Variants in TRERF1 observed in about 807,000 individuals in gnomAD.
TRERF1 encodes transcriptional regulating factor 1, also known as transcriptional-regulating factor 1.
Under a neutral mutation model 122.9 loss-of-function variants are expected in TRERF1, and 27 were observed. The ratio of observed to expected loss-of-function variants is 0.22; its 90% CI spans 0.16 to 0.30. TRERF1 has a LOEUF of 0.30. TRERF1 is among the 10% of genes least tolerant of loss of function. TRERF1 has a pLI of 1.00. For synonymous variants in TRERF1, 636 were observed against 641.7 expected, an observed-to-expected ratio of 0.99 and a Z score of 0.13; for missense variants, 1,248 against 1,560.3, an observed-to-expected ratio of 0.80 and a Z score of 3.37.
intron 2 of TRERF1, among the ~76,000 whole-genome samples, chr6:42,421,166 T>C (rs2151558225): frequency 6.6e-6 from 1 of 152,302 alleles, no homozygotes; most frequent in South Asian, 2.1e-4. Flanking sequence ...GTTGTGAGAT[T>C]TCAATGAGTG....
At chr6:42,299,036 T>A (rs4711713) in intron 4 of TRERF1, among the ~76,000 whole-genome samples, 20,194 of 150,948 alleles carry the variant, frequency 0.13, 1,653 homozygotes, top group African/African-American at 0.23. Flanking sequence ...AGCCCAGGAG[T>A]TTGAAGCTAG....
intron 2 of TRERF1, among the ~76,000 whole-genome samples, chr6:42,441,647 G>A (rs182410341): frequency 1.8e-3 from 270 of 151,726 alleles, no homozygotes; most frequent in African/African-American, 6.0e-3. Context: ...AACCAATGGC[G>A]AGAAAACCAG....
intron 16 of TRERF1, among the ~76,000 whole-genome samples, chr6:42,235,613 T>C (rs772305908): frequency 2.0e-5 from 3 of 152,256 alleles, no homozygotes; most frequent in Non-Finnish European, 4.4e-5. Context: ...GTTTATATGA[T>C]TAATTTACTT....
At chr6:42,346,613 A>G (rs1449475705) in intron 3 of TRERF1, among the ~76,000 whole-genome samples, 5 of 152,172 alleles carry the variant, frequency 3.3e-5, no homozygotes, top group African/African-American at 7.2e-5. Flanking sequence ...CAAGTCAAGG[A>G]CATTGCAAAG....
At chr6:42,398,667 G>C (rs1778968174) in intron 2 of TRERF1, among the ~76,000 whole-genome samples, 1 of 152,196 alleles carries the variant, frequency 6.6e-6, no homozygotes, top group South Asian at 2.1e-4. Flanking sequence ...ACATTGCCTT[G>C]TGCATGGCAG....
At chr6:42,420,159 G>A (rs1782553340) in intron 2 of TRERF1, among the ~76,000 whole-genome samples, 1 of 152,214 alleles carries the variant, frequency 6.6e-6, no homozygotes, top group African/African-American at 2.4e-5. Flanking sequence ...GCAAAGCAAA[G>A]TCACCTCCCT....
chr6:42,317,220 C>T (rs1762642309), intron 3 of TRERF1, among the ~76,000 whole-genome samples: 2 of 152,056 alleles, frequency 1.3e-5, no homozygotes, highest in South Asian at 4.1e-4. Context: ...GCTTGGCTGG[C>T]TCTGCCTTAA....
At chr6:42,439,903 C>G (rs1786178620) in intron 2 of TRERF1, among the ~76,000 whole-genome samples, 1 of 152,220 alleles carries the variant, frequency 6.6e-6, no homozygotes, top group East Asian at 1.9e-4. Context: ...GTGGGCATCA[C>G]TGTGTGTCGT....
rs1769885334 is a variant in TRERF1, at chr6:42,228,548, T to G, written c.3400A>C (p.Arg1134=). 6.2e-7 allele frequency: 1 copy of G among 1,614,100 alleles called. No individual in the cohort carries two copies. Residue 1134 remains arginine (R), a synonymous_variant, in exon 18 of 18, where the codon AGG becomes CGG. Transcript: ENST00000372922. This position sits in a 1 kb window ranked among gnomAD's most constrained non-coding sequence, Gnocchi z 4.2. ...GGCGCCCCCACGGGCCCCGTAGTCCTCTCAATCGTGGCTGCCATCTCAGCT... is the reference window on the plus strand; with the variant it reads ...GGCGCCCCCACGGGCCCCGTAGTCCGCTCAATCGTGGCTGCCATCTCAGCT...
At chr6:42,332,844 G>A (rs1224544429) in intron 3 of TRERF1, among the ~76,000 whole-genome samples, 1 of 152,034 alleles carries the variant, frequency 6.6e-6, no homozygotes, top group Non-Finnish European at 1.5e-5. Flanking sequence ...TGGGTATGAG[G>A]AGGGTCTTCT....
In TRERF1 at chr6:42,259,212, C is replaced by T. The variant is rs1019827770; in HGVS notation, c.2269+127G>A. ...CCAAGTCTTTCTTAACACCCAGCAG[C>T]GCGTGCTACATACAGCCAATACTCC... On this transcript the variant is annotated intron_variant, in intron 9 of 17. Transcript: ENST00000372922. This position sits in a 1 kb window ranked among gnomAD's most constrained non-coding sequence, Gnocchi z 4.9. 7.9e-7 allele frequency: 1 copy of T among 1,264,370 alleles called. No individual in the cohort carries two copies. The highest frequency in any genetic ancestry group is 1.0e-6 in the Non-Finnish European group (1 of 958,810). The allele number at this position is 1,264,370 out of a possible 1,614,324, so 78.3% of individuals were successfully genotyped here.
chr6:42,409,628 T>G lies in TRERF1; in HGVS notation c.-454+41549A>C, dbSNP rs549420097. ...GCCATGTAGGATTTTGTAATTTTCT[T>G]TGAATAAAAATTGTGTCATTTGCAA... On this transcript the variant is annotated intron_variant, in intron 2 of 17. Transcript: ENST00000372922. Among the ~76,000 whole-genome samples the G allele has an allele frequency of 4.6e-5, 7 of 152,362 alleles. No homozygotes were observed. The East Asian group carries it at 1.3e-3, about 29-fold the overall frequency.
At chr6:42,288,255 C>A (rs966673719) in intron 4 of TRERF1, among the ~76,000 whole-genome samples, 14 of 151,860 alleles carry the variant, frequency 9.2e-5, no homozygotes, top group Admixed American at 2.0e-4. Context: ...TAATTTTACA[C>A]CTGTCATGAG....
intron 2 of TRERF1, among the ~76,000 whole-genome samples, chr6:42,448,919 A>G (rs897434598): frequency 6.6e-6 from 1 of 152,212 alleles, no homozygotes; most frequent in Non-Finnish European, 1.5e-5. Context: ...CAACCCACCC[A>G]TTAAAGAAGG....
At chr6:42,369,380 G>A (rs944142021) in intron 2 of TRERF1, among the ~76,000 whole-genome samples, 2 of 152,110 alleles carry the variant, frequency 1.3e-5, no homozygotes, top group Non-Finnish European at 2.9e-5. Context: ...GGAGGCAGAG[G>A]TTGCAATGAG....
At chr6:42,418,395 G>C (rs543104453) in intron 2 of TRERF1, among the ~76,000 whole-genome samples, 7 of 150,366 alleles carry the variant, frequency 4.7e-5, no homozygotes, top group Admixed American at 4.7e-4. Flanking sequence ...TCAGCCTCCT[G>C]AGTAGCTGGG....
intron 2 of TRERF1, among the ~76,000 whole-genome samples, chr6:42,385,603 G>C (rs1776668016): frequency 6.6e-6 from 1 of 152,136 alleles, no homozygotes; most frequent in Non-Finnish European, 1.5e-5. Context: ...TATCGGGAGT[G>C]GCAGGCACCT....
chr6:42,242,825 T>C (rs1409470280), intron 15 of TRERF1, among the ~76,000 whole-genome samples: 3 of 152,216 alleles, frequency 2.0e-5, no homozygotes, highest in African/African-American at 7.2e-5. Flanking sequence ...CTTTACAGAC[T>C]GTGGCAAAAT....
At position 42,362,357 on chromosome 6, in the gene TRERF1, C is replaced by T. The variant is rs75360718; in HGVS notation, c.-371+640G>A. 4.6e-5 allele frequency among the ~76,000 whole-genome samples: 7 copies of T among 152,372 alleles called. No homozygotes were observed. The East Asian group carries it at 9.6e-4, about 21-fold the overall frequency. On this transcript the variant is annotated intron_variant, in intron 3 of 17. Coordinates refer to ENST00000372922, the Ensembl canonical transcript of TRERF1. ...AATAATCAAATCAGATACCACCCCC[C>T]TTCCCCACTGTCGCCAAGAATGTGT... is the stretch of plus-strand genomic sequence containing the variant.
Sources: gnomAD v4.1 joint callset for allele counts (sites outside exome capture counted in the v4.1 genomes callset) on GRCh38, gnomAD v4.1.1 for gene constraint, Gnocchi (gnomAD v3.1) non-coding constraint, MANE v1.5 for transcripts, NCBI Gene and HGNC (gene_info 2026-07-23, HGNC 2026-07-21) for gene names.